Variants in MACROD2 observed in about 807,000 individuals in gnomAD.
The protein encoded by MACROD2 is mono-ADP ribosylhydrolase 2, also known as ADP-ribose glycohydrolase MACROD2.
A neutral mutation model predicts 70.4 loss-of-function variants in MACROD2; 36 were observed. The observed-to-expected ratio is 0.51, with a 90% CI of 0.39 to 0.68. The LOEUF is 0.68. Among genes scored for constraint, MACROD2 ranks in the 30% least tolerant of loss-of-function variants. The pLI, the probability that MACROD2 is intolerant of heterozygous loss-of-function variation, is 0.00. For synonymous variants in MACROD2, 172 were observed against 178.8 expected, an observed-to-expected ratio of 0.96 and a Z score of 0.30; for missense variants, 496 against 538.4, an observed-to-expected ratio of 0.92 and a Z score of 0.78.
chr20:14,988,774 C>T (rs1029175732), intron 5 of MACROD2, among the ~76,000 whole-genome samples: 1 of 152,188 alleles, frequency 6.6e-6, no homozygotes, highest in Non-Finnish European at 1.5e-5. Context: ...AAAGCTCCTT[C>T]TCAAGCATAA....
At chr20:14,771,437 A>G (rs4814325) in intron 5 of MACROD2, among the ~76,000 whole-genome samples, 2,651 of 152,180 alleles carry the variant, frequency 0.017, 39 homozygotes, top group Admixed American at 0.026. Context: ...TATTTTTAAT[A>G]GAAGAACAAA....
intron 5 of MACROD2, chr20:14,893,953 T>G (rs2122520642): frequency 6.6e-6 from 1 of 151,534 alleles, no homozygotes; most frequent in South Asian, 2.1e-4. Flanking sequence ...TCTGGCAAAT[T>G]ATTAAATTTT....
chr20:15,199,751 A>C (rs1398167318), intron 5 of MACROD2, among the ~76,000 whole-genome samples: 1 of 152,318 alleles, frequency 6.6e-6, no homozygotes, highest in East Asian at 1.9e-4. Context: ...TTGTTAAATT[A>C]TTTTACCTCT....
At chr20:15,650,273 C>T (rs2049623811) in intron 8 of MACROD2, among the ~76,000 whole-genome samples, 1 of 152,184 alleles carries the variant, frequency 6.6e-6, no homozygotes, top group South Asian at 2.1e-4. Flanking sequence ...ACGTCAACCT[C>T]CTTTCCTGTT....
intron 3 of MACROD2, among the ~76,000 whole-genome samples, chr20:14,484,248 A>C (rs114416501): frequency 6.6e-6 from 1 of 152,094 alleles, no homozygotes; most frequent in Non-Finnish European, 1.5e-5. Context: ...TTAAAAGTAC[A>C]TATGTCCTTT....
At chr20:15,438,524 GTTGT>G (rs1464322863) in intron 7 of MACROD2, among the ~76,000 whole-genome samples, 6 of 152,020 alleles carry the variant, frequency 3.9e-5, no homozygotes, top group East Asian at 1.9e-4. Context: ...TTATAATGGG[GTTGT>G]TTGTTTATCT....
intron 6 of MACROD2, among the ~76,000 whole-genome samples, chr20:15,377,769 A>G (rs184599361): frequency 4.6e-5 from 7 of 152,096 alleles, no homozygotes; most frequent in Admixed American, 1.3e-4. Flanking sequence ...AGTTATTTCT[A>G]TGCCTGACCT....
chr20:15,373,037 G>A (rs77295840), intron 6 of MACROD2, among the ~76,000 whole-genome samples: 16,853 of 152,016 alleles, frequency 0.11, 1,179 homozygotes, highest in Non-Finnish European at 0.16. Context: ...TCCAGCCTGG[G>A]CCACAGGAGA....
chr20:15,240,903 C>A (rs979858113), intron 6 of MACROD2, among the ~76,000 whole-genome samples: 52 of 152,310 alleles, frequency 3.4e-4, no homozygotes, highest in African/African-American at 1.2e-3. Flanking sequence ...CACAGGGGAA[C>A]AGAATTGTCC....
chr20:14,799,964 C>T (rs576585559), intron 5 of MACROD2, among the ~76,000 whole-genome samples: 3 of 152,154 alleles, frequency 2.0e-5, no homozygotes, highest in African/African-American at 7.2e-5. Context: ...ATGGTGACTT[C>T]TTGTTTCTGT....
intron 10 of MACROD2, among the ~76,000 whole-genome samples, chr20:15,908,808 C>T (rs2065188223): frequency 6.6e-6 from 1 of 152,210 alleles, no homozygotes; most frequent in Non-Finnish European, 1.5e-5. Context: ...CTAAGCCAAG[C>T]ATCTTATACC....
chr20:15,505,515 A>G (rs534159357), intron 8 of MACROD2, among the ~76,000 whole-genome samples: 2 of 152,132 alleles, frequency 1.3e-5, no homozygotes, highest in Admixed American at 1.3e-4. Flanking sequence ...CAGCTATCCA[A>G]AGGGGAGCCC....
intron 5 of MACROD2, among the ~76,000 whole-genome samples, chr20:14,846,098 T>C (rs1600719926): frequency 6.6e-6 from 1 of 152,308 alleles, no homozygotes; most frequent in East Asian, 1.9e-4. Context: ...AAAAAGTATT[T>C]CTGATGTAGT....
intron 4 of MACROD2, among the ~76,000 whole-genome samples, chr20:14,593,206 C>A (rs1209558510): frequency 1.3e-5 from 2 of 152,208 alleles, no homozygotes; most frequent in East Asian, 3.9e-4. Flanking sequence ...TCTACATATA[C>A]TGTTAATAGT....
At chr20:15,819,406 T>C (rs996552669) in intron 8 of MACROD2, among the ~76,000 whole-genome samples, 29 of 143,044 alleles carry the variant, frequency 2.0e-4, no homozygotes, top group Admixed American at 8.6e-4. Context: ...AAAATATTTA[T>C]ATATATTTAT....
intron 5 of MACROD2, among the ~76,000 whole-genome samples, chr20:14,804,136 T>C (rs545097797): frequency 1.6e-4 from 24 of 152,220 alleles, no homozygotes; most frequent in South Asian, 6.2e-4. Context: ...TGACTAACAA[T>C]GATTTTTCAC....
intron 5 of MACROD2, among the ~76,000 whole-genome samples, chr20:14,695,367 G>A (rs1195163520): frequency 6.6e-6 from 1 of 152,094 alleles, no homozygotes; most frequent in Admixed American, 6.5e-5. Flanking sequence ...AAGGACACTT[G>A]TCACTGGATT....
At chr20:15,932,815 A>G (rs1427629846) in intron 10 of MACROD2, among the ~76,000 whole-genome samples, 1 of 152,238 alleles carries the variant, frequency 6.6e-6, no homozygotes, top group Non-Finnish European at 1.5e-5. Context: ...ATTTTATAGC[A>G]TAGGTATGTT....
At chr20:14,077,732 C>T (rs991346319) in intron 2 of MACROD2, among the ~76,000 whole-genome samples, 1 of 151,982 alleles carries the variant, frequency 6.6e-6, no homozygotes, top group East Asian at 1.9e-4. Flanking sequence ...TGTTTTCAAG[C>T]TGGCTATGAT....
Sources: gnomAD v4.1 joint callset for allele counts (sites outside exome capture counted in the v4.1 genomes callset) on GRCh38, gnomAD v4.1.1 for gene constraint, MANE v1.5 for transcripts, NCBI Gene and HGNC (gene_info 2026-07-23, HGNC 2026-07-21) for gene names.